The following DNAH5 variants were observed in gnomAD, a reference collection of about 807,000 sequenced individuals.
The protein encoded by DNAH5 is dynein axonemal heavy chain 5, also known as axonemal beta dynein heavy chain 5.
In DNAH5, 372 loss-of-function variants were observed where a neutral mutation model predicts 518.2. The ratio of observed to expected loss-of-function variants is 0.72; its 90% CI spans 0.66 to 0.78. DNAH5 has a LOEUF of 0.78. Ranked by LOEUF, DNAH5 falls within the 30% of genes least tolerant of loss-of-function variation. The pLI, the probability that DNAH5 is intolerant of heterozygous loss-of-function variation, is 0.00. For missense variants in DNAH5, 5,523 were observed against 5,687.0 expected (o/e 0.97, Z 0.93); for synonymous variants, 2,039 against 2,025.9 (o/e 1.01, Z -0.17).
intron 75 of DNAH5, among the ~76,000 whole-genome samples, chr5:13,709,123 AT>A (rs1385428417): frequency 6.6e-6 from 1 of 152,232 alleles, no homozygotes; most frequent in Non-Finnish European, 1.5e-5. Context: ...CAGGGACATT[AT>A]CCCCTTGACT....
At chr5:13,871,478 T>C in intron 23 of DNAH5, 86 bp downstream of exon 23, 2 of 1,200,908 alleles carry the variant, frequency 1.7e-6, no homozygotes, top group Admixed American at 3.6e-5. Context: ...TTAAGACAGG[T>C]AGAACTCTCT....
chr5:13,876,062 A>G (rs1770842318), intron 22 of DNAH5, among the ~76,000 whole-genome samples: 2 of 152,222 alleles, frequency 1.3e-5, no homozygotes, highest in Non-Finnish European at 2.9e-5. Context: ...TTTAAAAAAT[A>G]AAAGATGATT....
At chr5:13,835,498 TCTC>T (rs1386542169) in intron 35 of DNAH5, among the ~76,000 whole-genome samples, 1 of 152,044 alleles carries the variant, frequency 6.6e-6, no homozygotes, top group East Asian at 1.9e-4. Flanking sequence ...CCCACCCTCT[TCTC>T]CTTGTCACCA....
At position 13,841,694 on chromosome 5, in the gene DNAH5, G is replaced by A. The variant is rs1354919632; in HGVS notation, c.5482C>T (p.Gln1828Ter). ...LTEFLSSFPA[Q>*]VGLLGIQMIW... ...CTTTCAAATTTCAATACACTGACCT[G>A]AGCAGGGAAGGATGAAAGAAATTCA... The change falls in exon 33 of 79, where the codon CAG (glutamine) becomes TAG (stop). Residue 1828 changes from glutamine to a stop codon, truncating the protein, a stop_gained and splice_region_variant. Transcript: ENST00000265104. LOFTEE classifies it high-confidence loss of function. The A allele has an allele frequency of 6.2e-6, 10 of 1,608,702 alleles. No individual in the cohort carries two copies. Among genetic ancestry groups the A allele is most frequent in the Non-Finnish European group, 7.7e-6 (9 of 1,175,152 alleles).
intron 38 of DNAH5, 25 bp from the exon 39 acceptor site, chr5:13,824,358 C>T (rs374755309): frequency 1.3e-5 from 21 of 1,612,610 alleles, no homozygotes; most frequent in East Asian, 1.1e-4. Context: ...ATACATTGGG[C>T]TTATTTTCAA....
chr5:13,757,262 G>T (rs978689997), intron 61 of DNAH5, among the ~76,000 whole-genome samples: 1 of 152,122 alleles, frequency 6.6e-6, no homozygotes, highest in Non-Finnish European at 1.5e-5. Context: ...CTGTTTTTAC[G>T]TCTTTGAGGA....
Position 13,871,021 on chromosome 5 carries a change from C to T in DNAH5, c.3599-19G>A, listed in dbSNP as rs1290754411. ...AAGTCAGCTGTAAAAACCCAAATGT[C>T]TACAGTTCAGTTTTAAAAACTCGAA... On this transcript the variant is annotated intron_variant, in intron 23 of 78. Transcript: ENST00000265104. 1 of 1,592,208 alleles carries T rather than the reference C, an allele frequency of 6.3e-7. No homozygotes were observed. The highest frequency in any genetic ancestry group is 2.2e-5 in the East Asian group (1 of 44,770).
intron 65 of DNAH5, among the ~76,000 whole-genome samples, chr5:13,743,248 G>A (rs181688712): frequency 6.6e-6 from 1 of 152,146 alleles, no homozygotes; most frequent in East Asian, 1.9e-4. Context: ...TGTGCTAAGT[G>A]TTCTATATAA....
intron 38 of DNAH5, among the ~76,000 whole-genome samples, chr5:13,825,349 A>ATAAATAAATAAATAAATAAG (rs1416712992): frequency 1.3e-5 from 2 of 151,254 alleles, no homozygotes; most frequent in Non-Finnish European, 2.9e-5. Context: ...CTTGCAAAAA[A>ATAAATAAATAAATAAATAAG]TAAATAAATA....
In DNAH5 at chr5:13,902,051, A is replaced by T; in HGVS notation, c.1730+2T>A. 6.3e-7 allele frequency: 1 copy of T among 1,583,176 alleles called. No individual in the cohort carries two copies. Among genetic ancestry groups the T allele is most frequent in the Non-Finnish European group, 8.6e-7 (1 of 1,157,420 alleles). On this transcript the variant is annotated splice_donor_variant, in intron 13 of 78. Coordinates refer to ENST00000265104, the MANE Select transcript of DNAH5 (RefSeq NM_001369.3). LOFTEE classifies it high-confidence loss of function. ...AAATAGACAATTTCTTGAAAATTTT[A>T]CCTTTCAAATTTCTTCAACATTCTT...
chr5:13,708,475 A>AT, intron 75 of DNAH5, 140 bp from the exon 76 acceptor site: 5 of 769,528 alleles, frequency 6.5e-6, no homozygotes, highest in Non-Finnish European at 1.0e-5. Flanking sequence ...CATGGCAAAA[A>AT]GAAAAAAAAA....
At chr5:13,845,098 G>A (rs1029747991) in intron 31 of DNAH5, 105 bp from the exon 32 acceptor site, 4 of 1,105,710 alleles carry the variant, frequency 3.6e-6, no homozygotes, top group Admixed American at 4.6e-5. Context: ...TGTGACTTGT[G>A]ACAATCTGAT....
Position 13,917,197 on chromosome 5 carries a change from C to A in DNAH5, c.1035G>T (p.Val345=), listed in dbSNP as rs150335023. The change falls in exon 8 of 79, where the codon GTG becomes GTT. Residue 345 remains valine (V), a synonymous_variant. Transcript: ENST00000265104. The stretch of plus-strand genomic sequence containing the variant: ...ATTTTTCAAGTGTATACAAGTATTT[C>A]ACATTGTCCTTTGCTTCATTAGTTG... ...TDATNEAKDN[V]KYLYTLEKCC... is the part of the protein sequence containing the mutation. 17 of 1,613,916 alleles carry A rather than the reference C, an allele frequency of 1.1e-5. No homozygotes were observed. Among genetic ancestry groups the A allele is most frequent in the Non-Finnish European group, 1.4e-5 (17 of 1,179,982 alleles).
chr5:13,855,685 G>C (rs1335280419), intron 30 of DNAH5, among the ~76,000 whole-genome samples: 1 of 152,128 alleles, frequency 6.6e-6, no homozygotes, highest in Non-Finnish European at 1.5e-5. Context: ...CAAATCAACA[G>C]AATATACAAT....
chr5:13,852,066 G>A (rs1426069531), intron 30 of DNAH5, among the ~76,000 whole-genome samples: 2 of 148,872 alleles, frequency 1.3e-5, no homozygotes, highest in African/African-American at 5.0e-5. Flanking sequence ...TTCCCCATCT[G>A]CAGACCAGGA....
chr5:13,719,721 T>C (rs574843973), intron 71 of DNAH5, among the ~76,000 whole-genome samples: 11 of 152,194 alleles, frequency 7.2e-5, no homozygotes, highest in African/African-American at 2.4e-4. Flanking sequence ...TGAAACCAGG[T>C]GAAAGAATGA....
At chr5:13,901,128 T>C (rs1325118844) in intron 14 of DNAH5, 124 bp downstream of exon 14, 4 of 988,852 alleles carry the variant, frequency 4.0e-6, no homozygotes, top group Non-Finnish European at 6.2e-6. Context: ...AACGCTTAGA[T>C]TCAACCCATC....
chr5:13,870,662 T>G (rs1769956546), intron 24 of DNAH5, 105 bp downstream of exon 24: 1 of 1,048,668 alleles, frequency 9.5e-7, no homozygotes, highest in Non-Finnish European at 1.4e-6. Flanking sequence ...ATTGTCTTGG[T>G]TTAGTAACCA....
chr5:13,752,890 G>A (rs1290627718), intron 63 of DNAH5, among the ~76,000 whole-genome samples: 1 of 152,148 alleles, frequency 6.6e-6, no homozygotes, highest in Non-Finnish European at 1.5e-5. Flanking sequence ...TACCACTTTT[G>A]TGACAAATAA....
Sources: allele counts gnomAD v4.1 joint callset (sites outside exome capture counted in the v4.1 genomes callset), GRCh38; gene constraint gnomAD v4.1.1; transcripts MANE v1.5; gene names NCBI Gene and HGNC (gene_info 2026-07-23, HGNC 2026-07-21).